LIN28B: variants seen among roughly 807,000 people sequenced by gnomAD.
LIN28B encodes the protein protein lin-28 homolog B.
Under a neutral mutation model 21.9 loss-of-function variants are expected in LIN28B, and 5 were observed. The ratio of observed to expected loss-of-function variants is 0.23; its 90% CI spans 0.12 to 0.48. The LOEUF (loss-of-function observed/expected upper bound fraction) is 0.48. Ranked by LOEUF, LIN28B falls within the 20% of genes least tolerant of loss-of-function variation. The pLI, the probability that LIN28B is intolerant of heterozygous loss-of-function variation, is 0.98. For missense variants in LIN28B, 245 were observed against 310.5 expected, an observed-to-expected ratio of 0.79 and a Z score of 1.58; for synonymous variants, 109 against 111.3, an observed-to-expected ratio of 0.98 and a Z score of 0.13.
chr6:104,994,215 A>G (rs897913819), intron 2 of LIN28B, among the ~76,000 whole-genome samples: 6 of 152,032 alleles, frequency 3.9e-5, no homozygotes, highest in Non-Finnish European at 7.4e-5. Context: ...TGTGTTAGCC[A>G]GGTTGGTCTC....
intron 2 of LIN28B, among the ~76,000 whole-genome samples, chr6:104,972,833 G>A (rs1161995199): frequency 2.0e-5 from 3 of 151,992 alleles, no homozygotes; most frequent in Admixed American, 6.6e-5. Context: ...AAATGAGGCC[G>A]GGTATGGTGG....
At chr6:105,075,760 G>A (rs1321233376) in intron 3 of LIN28B, among the ~76,000 whole-genome samples, 1 of 152,196 alleles carries the variant, frequency 6.6e-6, no homozygotes, top group Non-Finnish European at 1.5e-5. Context: ...TGGTCAATGA[G>A]TGGGCAAAAT....
At chr6:104,955,302 G>T (rs1008576620), upstream of LIN28B, among the ~76,000 whole-genome samples, 1 of 151,876 alleles carries the variant, frequency 6.6e-6, no homozygotes, top group Non-Finnish European at 1.5e-5. Context: ...AAAGTCATTG[G>T]ATTTTTGCAC....
At chr6:105,006,730 C>G (rs1049251498) in intron 2 of LIN28B, among the ~76,000 whole-genome samples, 1 of 152,168 alleles carries the variant, frequency 6.6e-6, no homozygotes, top group Admixed American at 6.5e-5. Context: ...TCATGGTCCT[C>G]TCACTTCAGG....
chr6:105,028,599 T>C (rs1345374296), intron 3 of LIN28B, among the ~76,000 whole-genome samples: 1 of 152,216 alleles, frequency 6.6e-6, no homozygotes, highest in Non-Finnish European at 1.5e-5. Context: ...CAAGGTTTTT[T>C]GGCCTATACA....
intron 3 of LIN28B, among the ~76,000 whole-genome samples, chr6:105,052,306 A>G (rs781204639): frequency 6.6e-5 from 10 of 152,152 alleles, no homozygotes; most frequent in Non-Finnish European, 1.2e-4. Context: ...TTGTGCTACT[A>G]TGAAAGAATA....
At chr6:104,982,051 A>T (rs979383075) in intron 2 of LIN28B, among the ~76,000 whole-genome samples, 7 of 152,120 alleles carry the variant, frequency 4.6e-5, no homozygotes, top group African/African-American at 1.7e-4. Context: ...GCAGTGGCTC[A>T]CACCTGTAAT....
In LIN28B at chr6:104,966,373, T is replaced by C. The variant is rs147841266; in HGVS notation, c.198+8087T>C. Among the ~76,000 whole-genome samples the C allele has an allele frequency of 2.6e-3, 396 of 152,330 alleles. 6 individuals are homozygous for C. The highest frequency in any genetic ancestry group is 9.3e-3 in the African/African-American group (385 of 41,572). ...TGAAATAATACACATGAAAATAATT[T>C]AAAAACTGTAACAATCTCAGGTTTT... is the stretch of plus-strand genomic sequence containing the variant. On this transcript the variant is annotated intron_variant, in intron 2 of 3. Transcript: ENST00000345080.
At chr6:105,017,461 T>C (rs1017398601) in intron 2 of LIN28B, among the ~76,000 whole-genome samples, 4 of 152,346 alleles carry the variant, frequency 2.6e-5, no homozygotes, top group East Asian at 1.9e-4. Flanking sequence ...TACTAGTCAA[T>C]GTACTGAGCA....
intron 3 of LIN28B, among the ~76,000 whole-genome samples, chr6:105,065,819 A>C (rs978617477): frequency 1.3e-5 from 2 of 152,204 alleles, no homozygotes; most frequent in Non-Finnish European, 2.9e-5. Flanking sequence ...TCATATAAAC[A>C]TTGTCAAAAT....
chr6:104,966,690 C>T (rs1166486599), intron 2 of LIN28B, among the ~76,000 whole-genome samples: 3 of 146,234 alleles, frequency 2.1e-5, no homozygotes, highest in East Asian at 2.0e-4. Flanking sequence ...GGTGCTGTAT[C>T]GGCTCACTGC....
At chr6:105,039,215 G>T (rs191336407) in intron 3 of LIN28B, among the ~76,000 whole-genome samples, 23 of 152,298 alleles carry the variant, frequency 1.5e-4, no homozygotes, top group African/African-American at 5.1e-4. Flanking sequence ...GTGTGTATTT[G>T]TGCGAGTACT....
intron 3 of LIN28B, among the ~76,000 whole-genome samples, chr6:105,063,629 C>T (rs1454932674): frequency 1.6e-5 from 2 of 126,726 alleles, no homozygotes; most frequent in African/African-American, 3.5e-5. Context: ...GAGCAAGACT[C>T]CATCTCGGGG....
At chr6:105,043,360 A>G (rs945875964) in intron 3 of LIN28B, among the ~76,000 whole-genome samples, 1 of 148,382 alleles carries the variant, frequency 6.7e-6, no homozygotes, top group African/African-American at 2.5e-5. Context: ...AAAAAAAAAA[A>G]AAAAAAAAAA....
At chr6:104,970,618 T>G (rs1317447974) in intron 2 of LIN28B, among the ~76,000 whole-genome samples, 1 of 152,212 alleles carries the variant, frequency 6.6e-6, no homozygotes, top group Non-Finnish European at 1.5e-5. Context: ...GTTTCTTAGT[T>G]ACTTATTTTT....
intron 2 of LIN28B, among the ~76,000 whole-genome samples, chr6:104,973,603 C>G (rs1446985211): frequency 6.6e-6 from 1 of 152,224 alleles, no homozygotes; most frequent in Non-Finnish European, 1.5e-5. Flanking sequence ...AGCAATCACT[C>G]AGCAGAAAGT....
intron 2 of LIN28B, among the ~76,000 whole-genome samples, chr6:104,996,801 C>T (rs1011019763): frequency 2.0e-5 from 3 of 152,126 alleles, no homozygotes; most frequent in Non-Finnish European, 2.9e-5. Context: ...AAGTCTATTT[C>T]AAATAACTTT....
chr6:104,983,566 T>G (rs1175382045), intron 2 of LIN28B, among the ~76,000 whole-genome samples: 1 of 152,100 alleles, frequency 6.6e-6, no homozygotes, highest in Non-Finnish European at 1.5e-5. Flanking sequence ...CCAGTGATTC[T>G]CCAGGTTTTG....
chr6:104,964,465 CATT>C (rs1769816114), intron 2 of LIN28B, among the ~76,000 whole-genome samples: 1 of 152,174 alleles, frequency 6.6e-6, no homozygotes, highest in Middle Eastern at 3.2e-3. Flanking sequence ...GATATTTTAT[CATT>C]ATCAAAGACT....
Sources: allele counts gnomAD v4.1 joint callset (sites outside exome capture counted in the v4.1 genomes callset), GRCh38; gene constraint gnomAD v4.1.1; transcripts MANE v1.5; gene names NCBI Gene and HGNC (gene_info 2026-07-23, HGNC 2026-07-21).